The following TAFA2 variants were observed in gnomAD, a reference collection of about 807,000 sequenced individuals.
The protein encoded by TAFA2 is chemokine-like protein TAFA-2.
A neutral mutation model predicts 18.8 loss-of-function variants in TAFA2; 7 were observed. The observed-to-expected ratio is 0.37, with a 90% confidence interval of 0.21 to 0.70. The LOEUF is 0.70. Ranked by LOEUF, TAFA2 falls within the 30% of genes least tolerant of loss-of-function variation. TAFA2 has a pLI of 0.53. For missense variants in TAFA2, 122 were observed against 158.1 expected (o/e 0.77, Z 1.23); for synonymous variants, 60 against 54.2 (o/e 1.11, Z -0.47).
At chr12:62,162,194 C>G (rs2062411351) in intron 1 of TAFA2, among the ~76,000 whole-genome samples, 1 of 152,192 alleles carries the variant, frequency 6.6e-6, no homozygotes. Context: ...CTCTCAGTTT[C>G]TGTGGGAAGA....
intron 1 of TAFA2, among the ~76,000 whole-genome samples, chr12:62,032,289 T>A (rs1035400270): frequency 6.6e-6 from 1 of 152,180 alleles, no homozygotes; most frequent in Non-Finnish European, 1.5e-5. Flanking sequence ...TTAAGTAATA[T>A]GACCTTTCTC....
intron 3 of TAFA2, 24 bp from the exon 4 acceptor site, chr12:61,753,770 C>G: frequency 6.3e-7 from 1 of 1,584,728 alleles, no homozygotes; most frequent in East Asian, 2.3e-5. Context: ...AAAAAATTGA[C>G]TCAACATTTT....
intron 1 of TAFA2, among the ~76,000 whole-genome samples, chr12:62,239,701 A>C (rs1592415414): frequency 6.6e-6 from 1 of 152,144 alleles, no homozygotes. Context: ...CTGACCAAGA[A>C]CCCCAACTGA....
At chr12:62,018,778 T>C (rs1881022039) in intron 1 of TAFA2, among the ~76,000 whole-genome samples, 1 of 152,066 alleles carries the variant, frequency 6.6e-6, no homozygotes, top group Admixed American at 6.5e-5. Flanking sequence ...GGACTTCATG[T>C]CTAAAACAAC....
intron 1 of TAFA2, among the ~76,000 whole-genome samples, chr12:62,064,697 T>C (rs1882440783): frequency 1.3e-5 from 2 of 152,102 alleles, no homozygotes; most frequent in Admixed American, 1.3e-4. Context: ...AATTTTTAAG[T>C]AACTTATATG....
intron 2 of TAFA2, among the ~76,000 whole-genome samples, chr12:61,823,398 T>A (rs1872403028): frequency 6.6e-6 from 1 of 152,156 alleles, no homozygotes; most frequent in South Asian, 2.1e-4. Context: ...AAAACCTGCA[T>A]CTTTGGATCA....
intron 4 of TAFA2, among the ~76,000 whole-genome samples, chr12:61,747,495 G>C (rs1868776865): frequency 6.8e-6 from 1 of 147,618 alleles, no homozygotes; most frequent in Non-Finnish European, 1.5e-5. Flanking sequence ...ACTGGATTAA[G>C]AAAATGTGGC....
At chr12:62,152,653 G>A (rs1450969068) in intron 1 of TAFA2, among the ~76,000 whole-genome samples, 1 of 152,210 alleles carries the variant, frequency 6.6e-6, no homozygotes, top group African/African-American at 2.4e-5. Context: ...ATAAAGCTCT[G>A]ATGGGGGCAG....
chr12:62,215,563 C>CAAA (rs35638033), intron 1 of TAFA2, among the ~76,000 whole-genome samples: 57 of 79,004 alleles, frequency 7.2e-4, no homozygotes, highest in Non-Finnish European at 1.4e-3. Context: ...ACTTGTCTTT[C>CAAA]AAAAAAAAAA....
chr12:61,731,150 C>G (rs1477318943), intron 4 of TAFA2, among the ~76,000 whole-genome samples: 2 of 152,108 alleles, frequency 1.3e-5, no homozygotes, highest in Non-Finnish European at 2.9e-5. Flanking sequence ...GCTCTGTTCT[C>G]TAAATTTGTT....
intron 4 of TAFA2, among the ~76,000 whole-genome samples, chr12:61,715,576 T>A (rs1428783735): frequency 6.6e-6 from 1 of 151,778 alleles, no homozygotes; most frequent in Non-Finnish European, 1.5e-5. Context: ...ATGGTCTCAA[T>A]CTCTCGACCT....
At chr12:61,889,336 T>C (rs1875529235) in intron 1 of TAFA2, among the ~76,000 whole-genome samples, 1 of 152,164 alleles carries the variant, frequency 6.6e-6, no homozygotes, top group African/African-American at 2.4e-5. Context: ...CGTGGGCAAA[T>C]AACACCTCTC....
At chr12:62,245,035 G>C (rs1176446327) in intron 1 of TAFA2, among the ~76,000 whole-genome samples, 2 of 151,580 alleles carry the variant, frequency 1.3e-5, no homozygotes, top group Non-Finnish European at 2.9e-5. Flanking sequence ...AGGCAAATTT[G>C]TCACTCTCTT....
chr12:61,880,025 C>G (rs980501071), intron 1 of TAFA2: 1 of 730,256 alleles, frequency 1.4e-6, no homozygotes, highest in Middle Eastern at 3.7e-4. Flanking sequence ...GATCTGGGAG[C>G]TGCAGTCCCT....
At chr12:61,890,780 A>C (rs1875596745) in intron 1 of TAFA2, among the ~76,000 whole-genome samples, 1 of 152,164 alleles carries the variant, frequency 6.6e-6, no homozygotes, top group Non-Finnish European at 1.5e-5. Context: ...CCGGGGACAG[A>C]GTCACCTCCC....
chr12:61,903,510 A>G (rs1876206915), intron 1 of TAFA2, among the ~76,000 whole-genome samples: 1 of 152,100 alleles, frequency 6.6e-6, no homozygotes, highest in African/African-American at 2.4e-5. Flanking sequence ...GTAAGAGAAA[A>G]CTTTTCTGTC....
chr12:62,105,003 A>G, intron 1 of TAFA2: 1 of 189,452 alleles, frequency 5.3e-6, no homozygotes, highest in Non-Finnish European at 1.1e-5. Context: ...AGGAGAAAGT[A>G]CTTATAATTA....
intron 1 of TAFA2, among the ~76,000 whole-genome samples, chr12:62,005,853 T>C (rs540162191): frequency 3.3e-5 from 5 of 152,254 alleles, no homozygotes; most frequent in Admixed American, 6.5e-5. Flanking sequence ...GTCCTTCTGA[T>C]TCGTATATCT....
chr12:62,002,558 C>T (rs1880414045), intron 1 of TAFA2, among the ~76,000 whole-genome samples: 1 of 152,180 alleles, frequency 6.6e-6, no homozygotes, highest in South Asian at 2.1e-4. Flanking sequence ...CTCGCAAACC[C>T]TCATTGTTGA....
Sources: allele counts gnomAD v4.1 joint callset (sites outside exome capture counted in the v4.1 genomes callset), GRCh38; gene constraint gnomAD v4.1.1; transcripts MANE v1.5; gene names NCBI Gene and HGNC (gene_info 2026-07-23, HGNC 2026-07-21).